TMLHE: variants seen among roughly 807,000 people sequenced by gnomAD.
TMLHE encodes the protein trimethyllysine dioxygenase, mitochondrial.
In TMLHE, 18 loss-of-function variants were observed where a neutral mutation model predicts 25.7. That is an observed-to-expected ratio of 0.70 (90% confidence interval 0.48 to 1.04). The LOEUF is 1.04. TMLHE is among the 50% of genes least tolerant of loss of function. The probability of loss-of-function intolerance (pLI) is 0.00; values close to 1 mark genes in which losing one functional copy is unlikely to be tolerated. For missense variants in TMLHE, 236 were observed against 259.0 expected (o/e 0.91, Z 0.61); for synonymous variants, 105 against 97.0 (o/e 1.08, Z -0.49).
In TMLHE at chrX:155,513,991, T is replaced by A. The variant is rs1557334276; in HGVS notation, c.633A>T (p.Leu211Phe). Residue 211 changes from leucine (L) to phenylalanine (F), a missense_variant, in exon 4 of 8, where the codon TTA becomes TTT. Around this residue, in one of 2 missense-constraint regions of TMLHE, gnomAD observed 217 missense variants for 214.6 expected, o/e 1.01. Transcript: ENST00000334398. The part of the protein sequence containing the change: ...HTEKLAERIS[L>F]IRETIYGRMW... ...TTAGGAAACAAATGAATTACCTGAT[T>A]AAGCTGATCCTTTCTGCCAACTTCT... 2.5e-6 allele frequency: 3 copies of A among 1,206,469 alleles called. No individual in the cohort carries two copies. The highest frequency in any genetic ancestry group is 3.4e-6 in the Non-Finnish European group (3 of 891,570).
chrX:155,597,783 A>C (rs1000478706), intron 1 of TMLHE, among the ~76,000 whole-genome samples: 6 of 110,855 alleles, frequency 5.4e-5, no homozygotes, highest in Admixed American at 9.5e-5. Flanking sequence ...TCAACTGGTA[A>C]GCATGTAATG....
chrX:155,571,125 G>A lies in TMLHE; in HGVS notation c.-1-25848C>T, dbSNP rs1217365966. ...GAAGAAAAGAGAGAAGAATCAAATAGACGCAATAAAAAATGATAAAGGGGA... is the reference window on the plus strand; with the variant it reads ...GAAGAAAAGAGAGAAGAATCAAATAAACGCAATAAAAAATGATAAAGGGGA... On this transcript the variant is annotated intron_variant, in intron 1 of 7. Transcript: ENST00000334398. Among the ~76,000 whole-genome samples the A allele has an allele frequency of 1.4e-4, 8 of 56,843 alleles. 3 individuals carry two copies. The Admixed American group carries it at 1.4e-3, about 10-fold the overall frequency. The allele number at this position is 56,843 out of a possible 115,157, so 49.4% of individuals were successfully genotyped here. A position where few individuals can be genotyped will look rare whatever the true frequency, so the allele number is the denominator to read the frequency against.
chrX:155,577,884 T>C lies in TMLHE; in HGVS notation c.-1-32607A>G, dbSNP rs142705254. Among the ~76,000 whole-genome samples the C allele has an allele frequency of 6.7e-3, 752 of 111,579 alleles. 6 individuals are homozygous for C. The highest frequency in any genetic ancestry group is 0.023 in the African/African-American group (716 of 30,653). On this transcript the variant is annotated intron_variant, in intron 1 of 7. Transcript: ENST00000334398. The stretch of plus-strand genomic sequence containing the variant: ...CATCCCTGCTGCTGCTGCAGGCTGC[T>C]GTGAAACGAAAGAGAAAGAAAACCA...
intron 3 of TMLHE, among the ~76,000 whole-genome samples, chrX:155,523,332 AT>A (rs1220140127): frequency 1.4e-3 from 150 of 107,988 alleles, no homozygotes; most frequent in African/African-American, 4.9e-3. Flanking sequence ...ATCTACTATG[AT>A]TTTTTTTTTA....
chrX:155,599,742 T>A, intron 1 of TMLHE, among the ~76,000 whole-genome samples: 1 of 111,371 alleles, frequency 9.0e-6, no homozygotes, highest in Non-Finnish European at 1.9e-5. Flanking sequence ...ACGTTTTTTA[T>A]CTAGTAGAGT....
At chrX:155,556,511 T>C (rs187051030) in intron 1 of TMLHE, among the ~76,000 whole-genome samples, 15 of 109,833 alleles carry the variant, frequency 1.4e-4, no homozygotes, top group African/African-American at 4.6e-4. Flanking sequence ...ACCAGCAAGT[T>C]TTTATTAGGG....
At chrX:155,574,474 A>G (rs1557343598) in intron 1 of TMLHE, among the ~76,000 whole-genome samples, 1 of 112,075 alleles carries the variant, frequency 8.9e-6, no homozygotes, top group African/African-American at 3.3e-5. Flanking sequence ...TTTAATTGCA[A>G]TCTCTGACCA....
rs1380789865 is a variant in TMLHE, at chrX:155,579,837, T to C, written c.-2+32955A>G. ...ATAAAAAAATCAACTTAAGATGGAG[T>C]AAATACTTCAATATAAAACCAGAAA... is the stretch of plus-strand genomic sequence containing the variant. On this transcript the variant is annotated intron_variant, in intron 1 of 7. Coordinates refer to ENST00000334398, the MANE Select transcript of TMLHE (RefSeq NM_018196.4). 4.6e-5 allele frequency among the ~76,000 whole-genome samples: 5 copies of C among 109,511 alleles called. No individual in the cohort carries two copies. In the East Asian group the frequency reaches 1.4e-3, roughly 31 times the overall value.
intron 1 of TMLHE, among the ~76,000 whole-genome samples, chrX:155,576,044 G>C (rs1490539821): frequency 2.7e-5 from 3 of 111,613 alleles, no homozygotes; most frequent in South Asian, 7.5e-4. Context: ...AATAGGAAGA[G>C]AGGAAGTCAA....
intron 2 of TMLHE, among the ~76,000 whole-genome samples, chrX:155,540,404 A>G (rs782245112): frequency 9.0e-6 from 1 of 111,062 alleles, no homozygotes; most frequent in Non-Finnish European, 1.9e-5. Context: ...TTACTGAAGA[A>G]CAAAACCTGC....
intron 2 of TMLHE, among the ~76,000 whole-genome samples, chrX:155,533,525 G>A (rs1314552809): frequency 2.7e-5 from 3 of 111,303 alleles, no homozygotes; most frequent in Non-Finnish European, 5.7e-5. Context: ...TTTGGAAATG[G>A]GTAATGGGGT....
intron 1 of TMLHE, among the ~76,000 whole-genome samples, chrX:155,609,726 GGA>G (rs1435104272): frequency 1.2e-4 from 13 of 111,585 alleles, no homozygotes; most frequent in Admixed American, 1.1e-3. Context: ...AAATATGTGA[GGA>G]GACATTTCTC....
At chrX:155,508,856 A>C (rs2067091089) in intron 5 of TMLHE, among the ~76,000 whole-genome samples, 1 of 110,855 alleles carries the variant, frequency 9.0e-6, no homozygotes, top group African/African-American at 3.3e-5. Flanking sequence ...AAATATATTG[A>C]ATGTAGCTAT....
At chrX:155,576,021 T>C (rs782603403) in intron 1 of TMLHE, among the ~76,000 whole-genome samples, 60 of 111,500 alleles carry the variant, frequency 5.4e-4, no homozygotes, top group Non-Finnish European at 1.1e-3. Flanking sequence ...GAGTAAGAGA[T>C]AAAAGGCATC....
At chrX:155,547,444 T>C (rs1216534645) in intron 1 of TMLHE, among the ~76,000 whole-genome samples, 1 of 111,927 alleles carries the variant, frequency 8.9e-6, no homozygotes, top group African/African-American at 3.2e-5. Context: ...CGACCAGCTA[T>C]AATAGGTACT....
At chrX:155,555,822 C>G (rs1232918187) in intron 1 of TMLHE, among the ~76,000 whole-genome samples, 1 of 109,992 alleles carries the variant, frequency 9.1e-6, no homozygotes, top group East Asian at 2.8e-4. Flanking sequence ...CTGTAGGTTG[C>G]CTGTTCACTC....
Position 155,506,899 on chromosome X carries a change from T to C in TMLHE, c.994A>G (p.Arg332Gly). The change falls in exon 6 of 8, where the codon AGG (arginine) becomes GGG (glycine). Residue 332 changes from arginine to glycine, a missense_variant and splice_region_variant. Transcript: ENST00000334398. ...TGGGGATAGTTCTTTGATACTCACC[T>C]GATCAAATACAGCTCTTTATTCCAT... The part of the protein sequence containing the change: ...YPWNKELYLI[R>G]YNNYDRAVIN... 1 of 1,202,091 alleles carries C rather than the reference T, an allele frequency of 8.3e-7. No homozygotes were observed. The highest frequency in any genetic ancestry group is 1.1e-6 in the Non-Finnish European group (1 of 886,958).
At chrX:155,520,394 G>C (rs2067183617) in intron 3 of TMLHE, among the ~76,000 whole-genome samples, 1 of 20,025 alleles carries the variant, frequency 5.0e-5, no homozygotes, top group Non-Finnish European at 9.0e-5. Context: ...CAGATCCGCT[G>C]TTAGTCTGAT....
rs1423698639 is a variant in TMLHE at position 155,515,028 on chromosome X, C to G, written c.359-763G>C. 2.7e-5 allele frequency among the ~76,000 whole-genome samples: 3 copies of G among 110,672 alleles called. No individual in the cohort carries two copies. In the East Asian group the frequency reaches 8.5e-4, roughly 31 times the overall value. ...CCTTTTTACTTCTCTCTCTTTTCCT[C>G]CCTCCCCTTGGTAAAAAAGTATCAC... is the stretch of plus-strand genomic sequence containing the variant. On this transcript the variant is annotated intron_variant, in intron 3 of 7. Transcript: ENST00000334398.
Sources: gnomAD v4.1 joint callset for allele counts (sites outside exome capture counted in the v4.1 genomes callset) on GRCh38, gnomAD v4.1.1 for gene constraint, gnomAD v4.1.1 regional missense constraint, MANE v1.5 for transcripts, NCBI Gene and HGNC (gene_info 2026-07-23, HGNC 2026-07-21) for gene names.